Variants in TENM4 observed in about 807,000 individuals in gnomAD.
TENM4 encodes teneurin-4.
TENM4 carries 82 observed loss-of-function variants against 243.3 expected under a neutral mutation model. The observed-to-expected ratio is 0.34, with a 90% CI of 0.28 to 0.40. TENM4 has a LOEUF of 0.40. TENM4 is among the 10% of genes least tolerant of loss of function. The pLI, the probability that TENM4 is intolerant of heterozygous loss-of-function variation, is 1.00. For synonymous variants in TENM4, 1,412 were observed against 1,456.3 expected, an observed-to-expected ratio of 0.97 and a Z score of 0.69; for missense variants, 3,138 against 3,673.3, an observed-to-expected ratio of 0.85 and a Z score of 3.77.
intron 1 of TENM4, among the ~76,000 whole-genome samples, chr11:79,307,009 TTTAAGATTCCTGAGG>T (rs1238876656): frequency 1.3e-5 from 2 of 152,198 alleles, no homozygotes; most frequent in African/African-American, 2.4e-5. Context: ...AAAAGGATCT[TTTAAGATTCCTGAGG>T]ATATATGTTT....
chr11:79,183,641 TGG>T, intron 3 of TENM4, among the ~76,000 whole-genome samples: 1 of 152,166 alleles, frequency 6.6e-6, no homozygotes. Flanking sequence ...TGTGTGTGTG[TGG>T]GCACAGAAGA....
intron 2 of TENM4, among the ~76,000 whole-genome samples, chr11:79,259,658 T>TATCCATCC (rs10534484): frequency 2.9e-4 from 42 of 145,314 alleles, no homozygotes; most frequent in East Asian, 6.2e-4. Flanking sequence ...TCCATCCATC[T>TATCCATCC]ATCCATCCAT....
chr11:79,183,420 C>G (rs901684693), intron 3 of TENM4, among the ~76,000 whole-genome samples: 5 of 152,128 alleles, frequency 3.3e-5, no homozygotes, highest in African/African-American at 1.2e-4. Context: ...ATAGGCAGAA[C>G]ACAGAGGATT....
At chr11:79,217,315 C>T (rs1170593094) in intron 2 of TENM4, among the ~76,000 whole-genome samples, 1 of 152,098 alleles carries the variant, frequency 6.6e-6, no homozygotes, top group East Asian at 1.9e-4. Flanking sequence ...CATACTGCCA[C>T]ACTCACCCAT....
chr11:78,657,766 C>A lies in TENM4; in HGVS notation c.*292G>T, dbSNP rs925276258. The A allele has an allele frequency of 1.8e-5, 9 of 504,490 alleles. No individual in the cohort carries two copies. The highest frequency in any genetic ancestry group is 1.4e-4 in the African/African-American group (7 of 51,628). 31.3% of individuals were successfully genotyped at this position (504,490 alleles called of 1,614,324 possible). A position where few individuals can be genotyped will look rare whatever the true frequency, so the allele number is the denominator to read the frequency against. On this transcript the variant is annotated 3_prime_UTR_variant, in exon 34 of 34. Transcript: ENST00000278550. ...ATGCATCTCAGAGAGGAGATACATACCCCAAACGACAAGGGAAAAATCCTC... is the reference window on the plus strand; with the variant it reads ...ATGCATCTCAGAGAGGAGATACATAACCCAAACGACAAGGGAAAAATCCTC...
intron 6 of TENM4, among the ~76,000 whole-genome samples, chr11:79,041,488 G>A (rs1205181281): frequency 5.9e-5 from 4 of 67,284 alleles, no homozygotes; most frequent in Non-Finnish European, 1.4e-4. Context: ...GCACATTGGA[G>A]GCACTCAAAA....
chr11:78,987,903 G>A (rs1432973716), intron 6 of TENM4, among the ~76,000 whole-genome samples: 1 of 152,096 alleles, frequency 6.6e-6, no homozygotes. Flanking sequence ...CACCCACACA[G>A]GGCCAGGACT....
intron 4 of TENM4, among the ~76,000 whole-genome samples, chr11:79,122,022 T>C (rs192197543): frequency 9.3e-4 from 142 of 152,270 alleles, no homozygotes; most frequent in African/African-American, 3.3e-3. Flanking sequence ...TCCCCACCGC[T>C]CAAGAAAAAT....
chr11:78,929,149 C>T (rs1442722707), intron 6 of TENM4, among the ~76,000 whole-genome samples: 3 of 152,164 alleles, frequency 2.0e-5, no homozygotes, highest in African/African-American at 7.2e-5. Context: ...CCCCATTTGC[C>T]TATAAATCTG....
intron 4 of TENM4, among the ~76,000 whole-genome samples, chr11:79,083,518 T>C (rs1230703681): frequency 6.6e-6 from 1 of 152,212 alleles, no homozygotes; most frequent in Non-Finnish European, 1.5e-5. Context: ...GATGCTTGAA[T>C]TCCTTCTGTG....
chr11:79,327,842 A>G (rs1463467073), intron 1 of TENM4, among the ~76,000 whole-genome samples: 4 of 152,138 alleles, frequency 2.6e-5, no homozygotes, highest in Non-Finnish European at 5.9e-5. Flanking sequence ...AATGCCAGTA[A>G]AATGGGACAG....
intron 2 of TENM4, among the ~76,000 whole-genome samples, chr11:79,227,229 G>A (rs1864286748): frequency 6.6e-6 from 1 of 152,134 alleles, no homozygotes; most frequent in African/African-American, 2.4e-5. Context: ...CCAGCTTCTG[G>A]GATCTGGAAC....
intron 6 of TENM4, among the ~76,000 whole-genome samples, chr11:78,933,670 G>A (rs1856719450): frequency 6.6e-6 from 1 of 152,182 alleles, no homozygotes; most frequent in African/African-American, 2.4e-5. Flanking sequence ...AGGCCAAGGA[G>A]GTTCACTCTG....
At chr11:78,824,338 A>C (rs534673781) in intron 12 of TENM4, among the ~76,000 whole-genome samples, 18 of 152,286 alleles carry the variant, frequency 1.2e-4, no homozygotes, top group Non-Finnish European at 5.9e-5. Context: ...GAGCAAGAGC[A>C]CAAAAGCGAG....
chr11:78,693,635 G>A (rs1858882791), intron 28 of TENM4, among the ~76,000 whole-genome samples: 1 of 152,146 alleles, frequency 6.6e-6, no homozygotes, highest in South Asian at 2.1e-4. Flanking sequence ...CCAGATGACT[G>A]GCTTTTCATT....
chr11:79,077,928 G>A (rs1401367688), intron 4 of TENM4, among the ~76,000 whole-genome samples: 1 of 152,220 alleles, frequency 6.6e-6, no homozygotes, highest in Admixed American at 6.5e-5. Flanking sequence ...TGGTCTGGAA[G>A]AATGGCAAGA....
intron 2 of TENM4, among the ~76,000 whole-genome samples, chr11:79,237,213 C>T (rs487724): frequency 0.057 from 8,721 of 152,100 alleles, 735 homozygotes; most frequent in African/African-American, 0.18. Context: ...TCCCCTATGC[C>T]CCAAACATAC....
At chr11:79,082,206 T>C (rs575132078) in intron 4 of TENM4, among the ~76,000 whole-genome samples, 1 of 152,270 alleles carries the variant, frequency 6.6e-6, no homozygotes, top group African/African-American at 2.4e-5. Flanking sequence ...TCTCTTTGCC[T>C]AATGAAAGCC....
intron 6 of TENM4, among the ~76,000 whole-genome samples, chr11:78,966,458 A>G (rs1304353031): frequency 1.3e-5 from 2 of 152,080 alleles, no homozygotes; most frequent in African/African-American, 4.8e-5. Flanking sequence ...AACATTTCCT[A>G]AACACTCAGT....
Sources: gnomAD v4.1 joint callset for allele counts (sites outside exome capture counted in the v4.1 genomes callset) on GRCh38, gnomAD v4.1.1 for gene constraint, MANE v1.5 for transcripts, NCBI Gene and HGNC (gene_info 2026-07-23, HGNC 2026-07-21) for gene names.